NFIA: variants seen among roughly 807,000 people sequenced by gnomAD.
NFIA encodes the protein nuclear factor 1 A-type.
NFIA carries 8 observed loss-of-function variants against 62.8 expected under a neutral mutation model. The ratio of observed to expected loss-of-function variants is 0.13; its 90% CI spans 0.07 to 0.23. The LOEUF is 0.23. NFIA is among the 10% of genes least tolerant of loss of function. The pLI, the probability that NFIA is intolerant of heterozygous loss-of-function variation, is 1.00. For missense variants in NFIA, 410 were observed against 642.1 expected (o/e 0.64, Z 3.91); for synonymous variants, 235 against 238.1 (o/e 0.99, Z 0.12).
chr1:61,140,360 TGGCGGGC>T (rs1647414312), intron 2 of NFIA, among the ~76,000 whole-genome samples: 2 of 8,352 alleles, frequency 2.4e-4, no homozygotes, highest in East Asian at 3.9e-3. Context: ...TTTTTTTTTT[TGGCGGGC>T]GGGGGCGGGG....
chr1:61,211,771 C>A (rs1246095831), intron 2 of NFIA, among the ~76,000 whole-genome samples: 3 of 152,154 alleles, frequency 2.0e-5, no homozygotes, highest in Non-Finnish European at 2.9e-5. Flanking sequence ...AGTCTTGGCT[C>A]ACTGCAACCT....
At position 61,213,460 on chromosome 1, in the gene NFIA, G is replaced by C. The variant is rs115821840; in HGVS notation, c.560-64060G>C. 4.2e-3 allele frequency among the ~76,000 whole-genome samples: 637 copies of C among 152,304 alleles called. 10 individuals are homozygous for C. Among genetic ancestry groups the C allele is most frequent in the Admixed American group, 0.02 (309 of 15,302 alleles). Reference sequence around the variant, plus strand: ...ATGTAACCCTGTTCATGATGGGCCTGTGTTTTTTTCATTTTCTGTTTTCCT... The same window carrying C: ...ATGTAACCCTGTTCATGATGGGCCTCTGTTTTTTTCATTTTCTGTTTTCCT... On this transcript the variant is annotated intron_variant, in intron 2 of 10. Transcript: ENST00000403491.
At chr1:61,435,378 G>A (rs1373278350) in intron 10 of NFIA, among the ~76,000 whole-genome samples, 1 of 152,200 alleles carries the variant, frequency 6.6e-6, no homozygotes, top group Non-Finnish European at 1.5e-5. Context: ...CCCGTAACAA[G>A]AAATCTGTGA....
intron 2 of NFIA, among the ~76,000 whole-genome samples, chr1:61,226,507 G>C (rs547600633): frequency 5.4e-4 from 82 of 152,100 alleles, no homozygotes; most frequent in Middle Eastern, 3.4e-3. Flanking sequence ...TGCTTCTCAG[G>C]GATTGCAGGG....
chr1:61,188,095 T>C (rs902982895), intron 2 of NFIA, among the ~76,000 whole-genome samples: 1 of 152,122 alleles, frequency 6.6e-6, no homozygotes, highest in African/African-American at 2.4e-5. Flanking sequence ...TCACCCAGGC[T>C]GGAGTGTAGT....
chr1:61,094,230 T>G (rs973919986), intron 2 of NFIA, among the ~76,000 whole-genome samples: 7 of 152,104 alleles, frequency 4.6e-5, no homozygotes, highest in Non-Finnish European at 8.8e-5. Context: ...GGGGGTTGAG[T>G]AAGGGAAGGA....
At chr1:61,281,480 T>C (rs187497645) in intron 3 of NFIA, among the ~76,000 whole-genome samples, 3 of 152,304 alleles carry the variant, frequency 2.0e-5, no homozygotes, top group Admixed American at 1.3e-4. Context: ...ACCAAGACTT[T>C]TAGAGACATC....
At chr1:61,374,965 G>A (rs1280397795) in intron 6 of NFIA, among the ~76,000 whole-genome samples, 1 of 152,094 alleles carries the variant, frequency 6.6e-6, no homozygotes, top group African/African-American at 2.4e-5. Flanking sequence ...TTTATCATTA[G>A]GACACACATC....
chr1:61,164,858 G>C (rs1034121896), intron 2 of NFIA, among the ~76,000 whole-genome samples: 1 of 152,174 alleles, frequency 6.6e-6, no homozygotes, highest in African/African-American at 2.4e-5. Flanking sequence ...TGGCACAGCA[G>C]CTAACTCAAC....
At chr1:61,356,447 G>T (rs952826337) in intron 5 of NFIA, among the ~76,000 whole-genome samples, 3 of 152,176 alleles carry the variant, frequency 2.0e-5, no homozygotes, top group Admixed American at 2.0e-4. Context: ...TATAGCAGGA[G>T]CCTGAACCAA....
At chr1:61,381,754 T>C (rs1174819228) in intron 6 of NFIA, among the ~76,000 whole-genome samples, 1 of 152,194 alleles carries the variant, frequency 6.6e-6, no homozygotes, top group Non-Finnish European at 1.5e-5. Flanking sequence ...CTTGGAGGTC[T>C]TGGACATAGA....
intron 2 of NFIA, among the ~76,000 whole-genome samples, chr1:61,215,195 T>C (rs761256699): frequency 6.6e-6 from 1 of 152,230 alleles, no homozygotes; most frequent in African/African-American, 2.4e-5. Context: ...TCTTCAATAT[T>C]GTCGAACTGC....
At chr1:61,184,619 A>C (rs1651025626) in intron 2 of NFIA, among the ~76,000 whole-genome samples, 1 of 152,154 alleles carries the variant, frequency 6.6e-6, no homozygotes, top group African/African-American at 2.4e-5. Flanking sequence ...GGACCGACAC[A>C]CTCTAATTTT....
chr1:61,080,013 CCCCCTCCCT>C (rs1646076320), upstream of NFIA, among the ~76,000 whole-genome samples: 4 of 152,246 alleles, frequency 2.6e-5, no homozygotes, highest in African/African-American at 4.8e-5. Flanking sequence ...CCCCGCCTCC[CCCCCTCCCT>C]CCGCGGGGGA....
In NFIA at chr1:61,082,691, TC is replaced by T; in HGVS notation, c.-100del. 1 of 1,540,766 alleles carries T rather than the reference TC, an allele frequency of 6.5e-7. No individual in the cohort carries two copies. Among genetic ancestry groups the T allele is most frequent in the Non-Finnish European group, 8.8e-7 (1 of 1,140,922 alleles). ...CCCCCCTTCTCTCTCTCTCTCTCTC[TC>T]TCTCTTCCTCTCTCCCTCTTTCTCC... On this transcript the variant is annotated 5_prime_UTR_variant, in exon 1 of 11. Coordinates refer to ENST00000403491, the MANE Select transcript of NFIA (RefSeq NM_001134673.4).
chr1:61,421,005 G>A (rs186327066), intron 9 of NFIA, among the ~76,000 whole-genome samples: 9 of 152,040 alleles, frequency 5.9e-5, no homozygotes, highest in Non-Finnish European at 8.8e-5. Context: ...TGCCAGCTCC[G>A]TTCCCTGCCT....
intron 2 of NFIA, among the ~76,000 whole-genome samples, chr1:61,262,157 G>A (rs958749431): frequency 1.3e-5 from 2 of 152,100 alleles, no homozygotes; most frequent in East Asian, 3.9e-4. Context: ...CCTTGAGAGT[G>A]CTACAATGGG....
chr1:61,387,150 C>G (rs1329680652), intron 7 of NFIA, among the ~76,000 whole-genome samples: 1 of 152,070 alleles, frequency 6.6e-6, no homozygotes, highest in Admixed American at 6.6e-5. Context: ...AGTGGTTAAG[C>G]ACAAAATCTC....
intron 2 of NFIA, among the ~76,000 whole-genome samples, chr1:61,231,671 A>C (rs527856855): frequency 1.2e-4 from 18 of 152,322 alleles, no homozygotes; most frequent in African/African-American, 4.3e-4. Context: ...TAAGATTAAA[A>C]ATAGCAGTCT....
Sources: gnomAD v4.1 joint callset for allele counts (sites outside exome capture counted in the v4.1 genomes callset) on GRCh38, gnomAD v4.1.1 for gene constraint, MANE v1.5 for transcripts, NCBI Gene and HGNC (gene_info 2026-07-23, HGNC 2026-07-21) for gene names.